Variants in TNIK observed in about 807,000 individuals in gnomAD.
The protein encoded by TNIK is TRAF2 and NCK interacting kinase, also known as TRAF2 and NCK-interacting protein kinase.
TNIK carries 49 observed loss-of-function variants against 191.3 expected under a neutral mutation model. That is an observed-to-expected ratio of 0.26 (90% CI 0.20 to 0.32). The LOEUF is 0.32. Ranked by LOEUF, TNIK falls within the 10% of genes least tolerant of loss-of-function variation. TNIK has a pLI of 1.00. For synonymous variants in TNIK, 594 were observed against 600.9 expected (o/e 0.99, Z 0.17); for missense variants, 1,155 against 1,702.3 (o/e 0.68, Z 5.66).
chr3:171,371,380 A>G (rs1168423646), intron 1 of TNIK, among the ~76,000 whole-genome samples: 3 of 152,244 alleles, frequency 2.0e-5, no homozygotes, highest in African/African-American at 7.2e-5. Flanking sequence ...CAGAGAACAA[A>G]TAAAAACAAA....
At chr3:171,252,867 A>G (rs1392513932) in intron 2 of TNIK, among the ~76,000 whole-genome samples, 1 of 152,182 alleles carries the variant, frequency 6.6e-6, no homozygotes, top group Non-Finnish European at 1.5e-5. Context: ...ACCATGTAAG[A>G]CAGGAAAAAT....
chr3:171,084,468 CT>C (rs201206159), intron 25 of TNIK, 143 bp from the exon 26 acceptor site: 821 of 977,594 alleles, frequency 8.4e-4, no homozygotes, highest in South Asian at 1.1e-3. Flanking sequence ...TTATTTTACA[CT>C]TTTTTTTTGT....
At chr3:171,125,023 G>C (rs1472563959) in intron 17 of TNIK, among the ~76,000 whole-genome samples, 2 of 151,902 alleles carry the variant, frequency 1.3e-5, no homozygotes, top group Non-Finnish European at 1.5e-5. Context: ...TGGGACTCTT[G>C]TTATAATATC....
chr3:171,389,154 T>C (rs1373765251), intron 1 of TNIK, among the ~76,000 whole-genome samples: 1 of 152,162 alleles, frequency 6.6e-6, no homozygotes, highest in Non-Finnish European at 1.5e-5. Flanking sequence ...ATCTCCAATC[T>C]GTTCACAAGG....
intron 2 of TNIK, among the ~76,000 whole-genome samples, chr3:171,261,153 C>T (rs530430804): frequency 2.6e-5 from 4 of 152,192 alleles, no homozygotes; most frequent in Non-Finnish European, 5.9e-5. Flanking sequence ...TGCCATGCCT[C>T]TCCTCCCACC....
At chr3:171,135,178 C>A (rs1288388717) in intron 15 of TNIK, among the ~76,000 whole-genome samples, 2 of 152,330 alleles carry the variant, frequency 1.3e-5, no homozygotes, top group East Asian at 1.9e-4. Flanking sequence ...TACTGATAAG[C>A]TATGTTCATA....
Position 171,403,914 on chromosome 3 carries a change from A to G in TNIK, c.58-34229T>C, listed in dbSNP as rs142776037. Among the ~76,000 whole-genome samples, 125 of 152,334 alleles carry G rather than the reference A, an allele frequency of 8.2e-4. 1 individual carries two copies. Among genetic ancestry groups the G allele is most frequent in the African/African-American group, 2.5e-3 (105 of 41,570 alleles). On this transcript the variant is annotated intron_variant, in intron 1 of 32. Transcript: ENST00000436636. ...TTTACTTGTTCTTTTGACAGCATCA[A>G]CTGCTGACCCACACTTGGCTTTCTG...
chr3:171,440,038 T>A (rs1301219785), intron 1 of TNIK, among the ~76,000 whole-genome samples: 1 of 152,184 alleles, frequency 6.6e-6, no homozygotes, highest in Admixed American at 6.5e-5. Flanking sequence ...AATATGACAG[T>A]GTCCATGATT....
chr3:171,229,628 A>C (rs903002605), intron 2 of TNIK, among the ~76,000 whole-genome samples: 1 of 152,088 alleles, frequency 6.6e-6, no homozygotes, highest in African/African-American at 2.4e-5. Flanking sequence ...TTACTAACCT[A>C]ATTTTCCCCA....
chr3:171,441,575 T>C (rs750584481), intron 1 of TNIK, among the ~76,000 whole-genome samples: 16 of 152,200 alleles, frequency 1.1e-4, no homozygotes, highest in Non-Finnish European at 2.2e-4. Flanking sequence ...ATTTGGGTGG[T>C]TTCCATTTTT....
chr3:171,260,524 G>A (rs764350141), intron 2 of TNIK, among the ~76,000 whole-genome samples: 11 of 152,150 alleles, frequency 7.2e-5, no homozygotes, highest in Non-Finnish European at 1.2e-4. Context: ...TGATTTGGCC[G>A]GGGTGGATGG....
At chr3:171,198,450 T>C (rs1334175520) in intron 4 of TNIK, among the ~76,000 whole-genome samples, 1 of 152,174 alleles carries the variant, frequency 6.6e-6, no homozygotes, top group Non-Finnish European at 1.5e-5. Flanking sequence ...ATGGAAATGT[T>C]CTGGCACTAG....
At chr3:171,350,617 AAT>A (rs1491033260) in intron 2 of TNIK, among the ~76,000 whole-genome samples, 18 of 151,328 alleles carry the variant, frequency 1.2e-4, no homozygotes, top group African/African-American at 4.4e-4. Context: ...AAAAAAAAAA[AAT>A]GCCCAAAGAA....
chr3:171,264,073 C>CAT (rs2109144804), intron 2 of TNIK, among the ~76,000 whole-genome samples: 1 of 58,230 alleles, frequency 1.7e-5, no homozygotes, highest in South Asian at 6.2e-4. Context: ...TACATACACA[C>CAT]ACACACACAC....
intron 1 of TNIK, among the ~76,000 whole-genome samples, chr3:171,410,026 C>T (rs534493145): frequency 6.6e-6 from 1 of 151,966 alleles, no homozygotes; most frequent in Admixed American, 6.6e-5. Flanking sequence ...ACAAGCAAGG[C>T]AAAGTTAAAT....
intron 2 of TNIK, among the ~76,000 whole-genome samples, chr3:171,314,089 A>C (rs1211754609): frequency 6.6e-6 from 1 of 152,204 alleles, no homozygotes; most frequent in African/African-American, 2.4e-5. Flanking sequence ...AAGCACGCAG[A>C]TATATAGATG....
chr3:171,301,384 T>C (rs1401020467), intron 2 of TNIK, among the ~76,000 whole-genome samples: 1 of 150,982 alleles, frequency 6.6e-6, no homozygotes, highest in Non-Finnish European at 1.5e-5. Flanking sequence ...GCACAATCTC[T>C]GCTCACTGCA....
At chr3:171,436,845 A>G (rs1056349844) in intron 1 of TNIK, among the ~76,000 whole-genome samples, 3 of 152,158 alleles carry the variant, frequency 2.0e-5, no homozygotes, top group Admixed American at 6.5e-5. Flanking sequence ...TTGCAGCACA[A>G]ATCTGCATCA....
intron 28 of TNIK, among the ~76,000 whole-genome samples, chr3:171,075,771 C>CT (rs1228523309): frequency 2.0e-5 from 3 of 148,172 alleles, no homozygotes; most frequent in Non-Finnish European, 4.4e-5. Context: ...GAGTCTCGTA[C>CT]TGTTGCCCAG....
Sources: gnomAD v4.1 joint callset for allele counts (sites outside exome capture counted in the v4.1 genomes callset) on GRCh38, gnomAD v4.1.1 for gene constraint, MANE v1.5 for transcripts, NCBI Gene and HGNC (gene_info 2026-07-23, HGNC 2026-07-21) for gene names.